IPMK: variants seen among roughly 807,000 people sequenced by gnomAD.
IPMK encodes inositol polyphosphate multikinase.
A neutral mutation model predicts 45.8 loss-of-function variants in IPMK; 17 were observed. That is an observed-to-expected ratio of 0.37 (90% CI 0.25 to 0.56). The LOEUF (loss-of-function observed/expected upper bound fraction) is 0.56, where lower values mean the gene tolerates loss of function less well. IPMK is among the 20% of genes least tolerant of loss of function. IPMK has a pLI of 0.79. For synonymous variants in IPMK, 180 were observed against 184.3 expected (o/e 0.98, Z 0.19); for missense variants, 399 against 498.0 (o/e 0.80, Z 1.89).
At chr10:58,221,508 G>C (rs1006704997) in intron 3 of IPMK, among the ~76,000 whole-genome samples, 1 of 151,972 alleles carries the variant, frequency 6.6e-6, no homozygotes, top group Non-Finnish European at 1.5e-5. Context: ...TAAGAAATTT[G>C]TTCTAAGACT....
intron 1 of IPMK, among the ~76,000 whole-genome samples, chr10:58,243,246 G>A (rs994146136): frequency 6.6e-6 from 1 of 152,114 alleles, no homozygotes; most frequent in African/African-American, 2.4e-5. Flanking sequence ...AAAAAAAAAG[G>A]GGTATAGGCA....
intron 1 of IPMK, among the ~76,000 whole-genome samples, chr10:58,248,930 C>T (rs546653679): frequency 2.0e-5 from 3 of 152,304 alleles, no homozygotes; most frequent in African/African-American, 7.2e-5. Context: ...TTTATCTATT[C>T]ATCTGTTGTG....
At chr10:58,253,277 T>C (rs1409939381) in intron 1 of IPMK, among the ~76,000 whole-genome samples, 2 of 152,214 alleles carry the variant, frequency 1.3e-5, no homozygotes, top group East Asian at 3.8e-4. Flanking sequence ...GTCAATTAAA[T>C]CTCCTTCCTT....
At chr10:58,258,392 GCAGAATGAATGCTATATCCAA>G (rs1839006367) in intron 1 of IPMK, among the ~76,000 whole-genome samples, 1 of 152,146 alleles carries the variant, frequency 6.6e-6, no homozygotes, top group Non-Finnish European at 1.5e-5. Flanking sequence ...ATTGACACCT[GCAGAATGAATGCTATATCCAA>G]CAGAATATAC....
chr10:58,246,849 C>A (rs1340758959), intron 1 of IPMK, among the ~76,000 whole-genome samples: 10 of 151,550 alleles, frequency 6.6e-5, no homozygotes, highest in Admixed American at 6.6e-5. Flanking sequence ...AAAGACACTA[C>A]CATCAGAGTG....
chr10:58,239,561 C>T (rs1370499809), intron 1 of IPMK, among the ~76,000 whole-genome samples: 1 of 152,090 alleles, frequency 6.6e-6, no homozygotes, highest in African/African-American at 2.4e-5. Flanking sequence ...TAGACAACAG[C>T]ATGGGATAGC....
At chr10:58,267,204 G>T (rs1839160593) in intron 1 of IPMK, among the ~76,000 whole-genome samples, 1 of 152,192 alleles carries the variant, frequency 6.6e-6, no homozygotes, top group Non-Finnish European at 1.5e-5. Context: ...TGCCACCCGT[G>T]CTGCAAGCCT....
At chr10:58,231,790 G>A (rs1011939894) in intron 2 of IPMK, among the ~76,000 whole-genome samples, 10 of 151,980 alleles carry the variant, frequency 6.6e-5, no homozygotes, top group South Asian at 4.2e-4. Context: ...AATAACCAGC[G>A]AACATCATAA....
rs1024595772 is a variant in IPMK, at chr10:58,193,266, A to T, written c.*2810T>A. The T allele has an allele frequency of 2.6e-5, 4 of 151,914 alleles. No homozygotes were observed. Among genetic ancestry groups the T allele is most frequent in the African/African-American group, 9.7e-5 (4 of 41,424 alleles). The allele number at this position is 151,914 out of a possible 1,614,324, so 9.4% of individuals were successfully genotyped here. On this transcript the variant is annotated 3_prime_UTR_variant, in exon 6 of 6. Transcript: ENST00000373935. ...AATCATAAAATACTAAATTATGCTC[A>T]ATCAAAATACAGACGAAGGTTCTTC...
At chr10:58,199,464 A>T (rs1392588236) in intron 4 of IPMK, 143 bp from the exon 5 acceptor site, 2 of 499,996 alleles carry the variant, frequency 4.0e-6, no homozygotes, top group Non-Finnish European at 3.5e-6. Flanking sequence ...AATCGCAGTT[A>T]TATCAATGGA....
chr10:58,237,706 A>C, intron 2 of IPMK, 23 bp downstream of exon 2: 1 of 1,575,302 alleles, frequency 6.3e-7, no homozygotes, highest in Non-Finnish European at 8.7e-7. Context: ...TGAAGACAAC[A>C]AAACAAATCT....
chr10:58,213,249 T>C (rs540231541), intron 4 of IPMK, among the ~76,000 whole-genome samples: 1 of 152,166 alleles, frequency 6.6e-6, no homozygotes, highest in African/African-American at 2.4e-5. Flanking sequence ...TATCAGGAGA[T>C]CAAAGAAAAA....
Position 58,267,798 on chromosome 10 carries a change from C to T in IPMK, c.-187G>A, listed in dbSNP as rs1038146520. ...CGCCGGGGCGCGGGCGCTCCTCTGCCCAACTCTCGGCGGAACGCGGCTCCC... is the reference window on the plus strand; with the variant it reads ...CGCCGGGGCGCGGGCGCTCCTCTGCTCAACTCTCGGCGGAACGCGGCTCCC... On this transcript the variant is annotated 5_prime_UTR_variant, in exon 1 of 6. Coordinates refer to ENST00000373935, the MANE Select transcript of IPMK (RefSeq NM_152230.5). The T allele has an allele frequency of 1.9e-6, 1 of 534,052 alleles. No individual in the cohort carries two copies. The highest frequency in any genetic ancestry group is 3.3e-6 in the Non-Finnish European group (1 of 305,366). 33.1% of individuals were successfully genotyped at this position (534,052 alleles called of 1,614,324 possible).
intron 4 of IPMK, among the ~76,000 whole-genome samples, chr10:58,213,899 T>G (rs527967624): frequency 1.3e-5 from 2 of 152,224 alleles, no homozygotes; most frequent in South Asian, 4.1e-4. Context: ...TGGTGCTTAA[T>G]GAAGAGCTAA....
chr10:58,265,303 T>C (rs916901609), intron 1 of IPMK, among the ~76,000 whole-genome samples: 1 of 152,218 alleles, frequency 6.6e-6, no homozygotes, highest in Non-Finnish European at 1.5e-5. Flanking sequence ...GGTTACTTAC[T>C]GATAGTAACA....
At chr10:58,203,474 G>A (rs1441391769) in intron 4 of IPMK, among the ~76,000 whole-genome samples, 7 of 152,152 alleles carry the variant, frequency 4.6e-5, no homozygotes, top group Admixed American at 3.9e-4. Context: ...ATGCCACCAT[G>A]TCTGGCTAAT....
intron 1 of IPMK, among the ~76,000 whole-genome samples, chr10:58,238,692 C>T (rs1838651898): frequency 6.6e-6 from 1 of 152,164 alleles, no homozygotes; most frequent in Non-Finnish European, 1.5e-5. Context: ...TGTAACAAGA[C>T]TGGAGTGAGG....
chr10:58,210,152 T>G (rs1470037673), intron 4 of IPMK, among the ~76,000 whole-genome samples: 1 of 152,060 alleles, frequency 6.6e-6, no homozygotes, highest in Non-Finnish European at 1.5e-5. Context: ...GGGATTATAT[T>G]CCAGAGGAAC....
At chr10:58,240,140 T>C (rs1231617991) in intron 1 of IPMK, among the ~76,000 whole-genome samples, 2 of 151,780 alleles carry the variant, frequency 1.3e-5, no homozygotes, top group Non-Finnish European at 2.9e-5. Flanking sequence ...AGTATAAATA[T>C]GCTAAAGAAA....
Sources: allele counts gnomAD v4.1 joint callset (sites outside exome capture counted in the v4.1 genomes callset), GRCh38; gene constraint gnomAD v4.1.1; transcripts MANE v1.5; gene names NCBI Gene and HGNC (gene_info 2026-07-23, HGNC 2026-07-21).